PUDP: variants seen among roughly 807,000 people sequenced by gnomAD.
The protein encoded by PUDP is pseudouridine-5'-phosphatase.
PUDP carries 8 observed loss-of-function variants against 9.4 expected under a neutral mutation model. The observed-to-expected ratio is 0.85, with a 90% CI of 0.50 to 1.53. The LOEUF (loss-of-function observed/expected upper bound fraction) is 1.53, where lower values mean the gene tolerates loss of function less well. Ranked by LOEUF, PUDP falls within the 40% of genes most tolerant of loss-of-function variation. The pLI is 0.00. For missense variants in PUDP, 188 were observed against 189.7 expected (o/e 0.99, Z 0.05); for synonymous variants, 99 against 80.7 (o/e 1.23, Z -1.22).
At position 7,050,434 on chromosome X, in the gene PUDP, C is replaced by T. The variant is rs189402457; in HGVS notation, c.549G>A (p.Ala183=). 29 of 1,209,803 alleles carry T rather than the reference C, an allele frequency of 2.4e-5. No individual in the cohort carries two copies. The East Asian group carries it at 7.4e-4, about 31-fold the overall frequency. The stretch of plus-strand genomic sequence containing the variant: ...CCACCTGCATCCCAGCTGCCAGGGC[C>T]GCCTCCACCCCATTGGGAGCATCTT... ...VFEDAPNGVE[A]ALAAGMQVVM... Residue 183 remains alanine (A), a synonymous_variant, in exon 4 of 4, where the codon GCG becomes GCA. Coordinates refer to ENST00000381077, the MANE Select transcript of PUDP (RefSeq NM_012080.5).
chrX:6,860,775 C>T (rs1926990137), intron 3 of PUDP, among the ~76,000 whole-genome samples: 1 of 112,283 alleles, frequency 8.9e-6, no homozygotes, highest in African/African-American at 3.2e-5. Flanking sequence ...CCCAGCCAGC[C>T]CATGTTCTTA....
At chrX:7,136,951 T>A (rs1932754284) in intron 1 of PUDP, among the ~76,000 whole-genome samples, 1 of 112,048 alleles carries the variant, frequency 8.9e-6, no homozygotes, top group Non-Finnish European at 1.9e-5. Flanking sequence ...CACCTCAGTC[T>A]GAAACATTAA....
intron 1 of PUDP, among the ~76,000 whole-genome samples, chrX:7,124,901 T>C (rs1186121138): frequency 2.7e-5 from 3 of 109,396 alleles, no homozygotes; most frequent in African/African-American, 1.0e-4. Context: ...TGAGCGGAGA[T>C]GGCGCCACTG....
At chrX:7,064,780 G>A (rs1208670051) in intron 3 of PUDP, among the ~76,000 whole-genome samples, 1 of 111,975 alleles carries the variant, frequency 8.9e-6, no homozygotes, top group Non-Finnish European at 1.9e-5. Flanking sequence ...ATGAGCCACA[G>A]AACATGTCTT....
At chrX:6,973,655 G>T (rs1426774040) in intron 3 of PUDP, among the ~76,000 whole-genome samples, 2 of 111,985 alleles carry the variant, frequency 1.8e-5, no homozygotes, top group Non-Finnish European at 3.8e-5. Flanking sequence ...TATGTGCGAT[G>T]TGGTGTTGAG....
intron 3 of PUDP, among the ~76,000 whole-genome samples, chrX:6,835,314 T>C (rs1361243327): frequency 9.0e-6 from 1 of 110,801 alleles, no homozygotes; most frequent in Non-Finnish European, 1.9e-5. Context: ...AGCCTCTGGA[T>C]TAGAGCTCAG....
Position 6,911,933 on chromosome X carries a change from C to T in PUDP, c.*247+65200G>A, listed in dbSNP as rs1298453549. On this transcript the variant is annotated intron_variant and NMD_transcript_variant, in intron 3 of 3. Transcript: ENST00000655425. ...TAAAACTATCTTATCATTCACATTT[C>T]CTATAACCTTAGTATTTTTTGTTCT... is the stretch of plus-strand genomic sequence containing the variant. 2.7e-5 allele frequency among the ~76,000 whole-genome samples: 3 copies of T among 111,492 alleles called. No homozygotes were observed. In the Admixed American group the frequency reaches 2.9e-4, roughly 11 times the overall value.
At chrX:6,708,878 C>A (rs1924500433) in intron 1 of PUDP, among the ~76,000 whole-genome samples, 1 of 111,717 alleles carries the variant, frequency 9.0e-6, no homozygotes, top group Non-Finnish European at 1.9e-5. Context: ...AACTGTGCTG[C>A]AATTAGTGGT....
chrX:7,018,731 G>C (rs1287784223), intron 1 of PUDP, among the ~76,000 whole-genome samples: 14 of 111,819 alleles, frequency 1.3e-4, no homozygotes, highest in Non-Finnish European at 1.9e-4. Flanking sequence ...TTCCAAGAAG[G>C]GTGTTGTATC....
intron 3 of PUDP, among the ~76,000 whole-genome samples, chrX:6,745,175 C>T (rs1343282182): frequency 8.9e-6 from 1 of 111,852 alleles, no homozygotes; most frequent in Non-Finnish European, 1.9e-5. Flanking sequence ...TGTGACTGTA[C>T]TTGGGTGAAA....
chrX:6,915,111 G>A (rs1238737308), intron 3 of PUDP, among the ~76,000 whole-genome samples: 1 of 111,865 alleles, frequency 8.9e-6, no homozygotes, highest in Non-Finnish European at 1.9e-5. Context: ...ATTAGCCTTT[G>A]TATCTCTGCA....
At chrX:6,979,506 G>T (rs750940939) in intron 1 of PUDP, among the ~76,000 whole-genome samples, 1 of 112,298 alleles carries the variant, frequency 8.9e-6, no homozygotes, top group East Asian at 2.8e-4. Context: ...GCATAAAATG[G>T]TAATGAATGG....
At chrX:6,919,774 G>A (rs957238514) in intron 3 of PUDP, among the ~76,000 whole-genome samples, 2 of 97,939 alleles carry the variant, frequency 2.0e-5, no homozygotes, top group Non-Finnish European at 4.0e-5. Flanking sequence ...CAGGAGAATC[G>A]CTTGAACCCA....
chrX:7,047,075 C>T (rs750568542), downstream of PUDP, among the ~76,000 whole-genome samples: 7 of 111,836 alleles, frequency 6.3e-5, no homozygotes, highest in East Asian at 1.7e-3. Flanking sequence ...AGGGAGGCAA[C>T]GACTTAATCC....
chrX:7,079,018 C>T (rs1461419041), intron 2 of PUDP, among the ~76,000 whole-genome samples: 3 of 111,726 alleles, frequency 2.7e-5, no homozygotes, highest in Non-Finnish European at 5.6e-5. Context: ...TATAAACACA[C>T]CTAAGATAGA....
intron 3 of PUDP, among the ~76,000 whole-genome samples, chrX:6,898,198 C>T (rs1053368576): frequency 6.2e-5 from 7 of 112,472 alleles, no homozygotes; most frequent in Non-Finnish European, 1.3e-4. Flanking sequence ...ACAGGTCTTC[C>T]TGGTTGCTCC....
intron 3 of PUDP, among the ~76,000 whole-genome samples, chrX:6,957,001 T>C (rs1928638227): frequency 8.9e-6 from 1 of 112,364 alleles, no homozygotes; most frequent in African/African-American, 3.2e-5. Flanking sequence ...CACCTCATCA[T>C]GTCCAATGAA....
At chrX:6,946,925 CT>C (rs1429414874) in intron 3 of PUDP, among the ~76,000 whole-genome samples, 4 of 108,649 alleles carry the variant, frequency 3.7e-5, no homozygotes, top group Non-Finnish European at 7.6e-5. Flanking sequence ...TAATTTGATG[CT>C]TTGAAAAAGA....
intron 3 of PUDP, among the ~76,000 whole-genome samples, chrX:6,753,133 T>G (rs1925125528): frequency 1.8e-5 from 2 of 111,117 alleles, no homozygotes; most frequent in African/African-American, 6.6e-5. Flanking sequence ...CTTCCCATCC[T>G]TTCCCCCTGA....
Sources: allele counts gnomAD v4.1 joint callset (sites outside exome capture counted in the v4.1 genomes callset), GRCh38; gene constraint gnomAD v4.1.1; transcripts MANE v1.5; gene names NCBI Gene and HGNC (gene_info 2026-07-23, HGNC 2026-07-21).